NAALADL2: variants seen among roughly 807,000 people sequenced by gnomAD.
The protein encoded by NAALADL2 is N-acetylated alpha-linked acidic dipeptidase like 2, also known as inactive N-acetylated-alpha-linked acidic dipeptidase-like protein 2.
A neutral mutation model predicts 87.2 loss-of-function variants in NAALADL2; 76 were observed. The observed-to-expected ratio is 0.87, with a 90% CI of 0.72 to 1.05. The LOEUF (loss-of-function observed/expected upper bound fraction) is 1.05, where lower values mean the gene tolerates loss of function less well. Among genes scored for constraint, NAALADL2 ranks in the 50% least tolerant of loss-of-function variants. The pLI, the probability that NAALADL2 is intolerant of heterozygous loss-of-function variation, is 0.00. For missense variants in NAALADL2, 1,089 were observed against 945.8 expected, an observed-to-expected ratio of 1.15 and a Z score of -1.99; for synonymous variants, 354 against 331.0, an observed-to-expected ratio of 1.07 and a Z score of -0.75.
chr3:175,000,348 C>A (rs1748068843), intron 1 of NAALADL2, among the ~76,000 whole-genome samples: 2 of 152,162 alleles, frequency 1.3e-5, no homozygotes, highest in Admixed American at 1.3e-4. Context: ...TGCTAATATT[C>A]TATAGAGCAG....
chr3:175,331,292 T>G (rs899259894), intron 5 of NAALADL2, among the ~76,000 whole-genome samples: 2 of 152,140 alleles, frequency 1.3e-5, no homozygotes, highest in African/African-American at 4.8e-5. Context: ...TCTTCATATC[T>G]CATTCTATCA....
chr3:175,774,680 T>C (rs1749978859), intron 13 of NAALADL2, among the ~76,000 whole-genome samples: 1 of 152,084 alleles, frequency 6.6e-6, no homozygotes, highest in South Asian at 2.1e-4. Context: ...TGCTGCTCAA[T>C]GTGGTAGCCA....
At chr3:175,733,551 A>G (rs62284559) in intron 11 of NAALADL2, among the ~76,000 whole-genome samples, 12,496 of 152,186 alleles carry the variant, frequency 0.082, 523 homozygotes, top group Middle Eastern at 0.1. Context: ...ACACAGAGCC[A>G]AACCATATCA....
chr3:175,078,896 C>T (rs4443183), intron 1 of NAALADL2, among the ~76,000 whole-genome samples: 31,366 of 152,142 alleles, frequency 0.21, 3,839 homozygotes, highest in Non-Finnish European at 0.28. Flanking sequence ...TGCTCTAAAA[C>T]ATTTGTGTAC....
intron 3 of NAALADL2, among the ~76,000 whole-genome samples, chr3:174,815,468 A>G (rs1490769806): frequency 1.3e-5 from 2 of 152,134 alleles, no homozygotes; most frequent in Non-Finnish European, 2.9e-5. Flanking sequence ...TGTCTCACCC[A>G]GGCTGGAGTG....
At chr3:175,760,457 CT>C (rs574674051) in intron 13 of NAALADL2, among the ~76,000 whole-genome samples, 94 of 152,220 alleles carry the variant, frequency 6.2e-4, no homozygotes, top group Middle Eastern at 3.4e-3. Flanking sequence ...TGCAAAGTAC[CT>C]TGGAAGTACT....
rs371485961 is a variant in NAALADL2, at chr3:174,579,617, T to C, written c.-115+28980T>C. Reference sequence around the variant, plus strand: ...ATGGAGAGATGAATGTGTTCCTATCTTGATACATTTGTTAATTATACACAT... The same window carrying C: ...ATGGAGAGATGAATGTGTTCCTATCCTGATACATTTGTTAATTATACACAT... On this transcript the variant is annotated intron_variant, in intron 2 of 3. Transcript: ENST00000434257. Among the ~76,000 whole-genome samples the C allele has an allele frequency of 1.3e-4, 20 of 152,236 alleles. No homozygotes were observed. In the East Asian group the frequency reaches 3.3e-3, roughly 25 times the overall value.
At chr3:174,950,586 A>G (rs1296639197) in intron 1 of NAALADL2, among the ~76,000 whole-genome samples, 2 of 152,122 alleles carry the variant, frequency 1.3e-5, no homozygotes, top group Non-Finnish European at 2.9e-5. Context: ...TTTGAACTAT[A>G]TATGGTGTTC....
At chr3:175,042,139 T>C (rs1038065558) in intron 1 of NAALADL2, among the ~76,000 whole-genome samples, 4 of 152,180 alleles carry the variant, frequency 2.6e-5, no homozygotes, top group Non-Finnish European at 4.4e-5. Context: ...TTAGACTTTT[T>C]TTAGATTCCA....
intron 3 of NAALADL2, among the ~76,000 whole-genome samples, chr3:174,826,377 C>CT (rs1721998884): frequency 2.0e-5 from 3 of 152,028 alleles, no homozygotes; most frequent in South Asian, 2.1e-4. Context: ...TTTCTTTTTC[C>CT]TTTTTTTGCA....
intron 1 of NAALADL2, chr3:174,536,674 T>G (rs1374809043): frequency 6.6e-6 from 1 of 152,172 alleles, no homozygotes; most frequent in African/African-American, 2.4e-5. Context: ...CGTCTTTTAT[T>G]CAACCCTAGG....
At chr3:175,509,788 C>T (rs1255396924) in intron 9 of NAALADL2, among the ~76,000 whole-genome samples, 1 of 152,138 alleles carries the variant, frequency 6.6e-6, no homozygotes, top group Non-Finnish European at 1.5e-5. Context: ...GGGGAGTCCT[C>T]AGGAAACTTA....
upstream of NAALADL2, among the ~76,000 whole-genome samples, chr3:174,854,933 G>A (rs1262750427): frequency 6.7e-6 from 1 of 148,376 alleles, no homozygotes; most frequent in African/African-American, 2.5e-5. Flanking sequence ...TGCCTCCCAG[G>A]TTCAAGTGAT....
At chr3:175,631,395 A>C (rs1445488251) in intron 11 of NAALADL2, among the ~76,000 whole-genome samples, 1 of 151,508 alleles carries the variant, frequency 6.6e-6, no homozygotes, top group Non-Finnish European at 1.5e-5. Flanking sequence ...ATACTCATAC[A>C]TGGGATGTGA....
chr3:175,511,733 C>T (rs1163128751), intron 9 of NAALADL2, among the ~76,000 whole-genome samples: 1 of 152,198 alleles, frequency 6.6e-6, no homozygotes, highest in Non-Finnish European at 1.5e-5. Flanking sequence ...CACACAGATT[C>T]TGACAGAGCC....
intron 1 of NAALADL2, among the ~76,000 whole-genome samples, chr3:174,954,519 C>A (rs1012621494): frequency 3.3e-5 from 5 of 151,874 alleles, no homozygotes; most frequent in African/African-American, 1.2e-4. Flanking sequence ...GAGGTAGAGC[C>A]ATTTGGATGC....
At chr3:175,503,679 T>C (rs1308494640) in intron 9 of NAALADL2, among the ~76,000 whole-genome samples, 1 of 150,440 alleles carries the variant, frequency 6.6e-6, no homozygotes, top group Non-Finnish European at 1.5e-5. Flanking sequence ...TCTCTAATTA[T>C]TGAAGTTGAG....
chr3:175,652,479 C>CT (rs771774912), intron 11 of NAALADL2, among the ~76,000 whole-genome samples: 22,729 of 132,368 alleles, frequency 0.17, 2,242 homozygotes, highest in Middle Eastern at 0.22. Context: ...TCTTTTCTTT[C>CT]TTTTTTTTTT....
intron 9 of NAALADL2, among the ~76,000 whole-genome samples, chr3:175,552,522 A>C (rs1714586512): frequency 6.6e-6 from 1 of 152,128 alleles, no homozygotes; most frequent in African/African-American, 2.4e-5. Flanking sequence ...CATTACCAAG[A>C]TTTACCATAT....
Sources: allele counts gnomAD v4.1 joint callset (sites outside exome capture counted in the v4.1 genomes callset), GRCh38; gene constraint gnomAD v4.1.1; transcripts MANE v1.5; gene names NCBI Gene and HGNC (gene_info 2026-07-23, HGNC 2026-07-21).